Variants in HDAC9 observed in about 807,000 individuals in gnomAD.
The protein encoded by HDAC9 is histone deacetylase 9, also known as MEF-2 interacting transcription repressor (MITR) protein.
HDAC9 carries 41 observed loss-of-function variants against 139.4 expected under a neutral mutation model. That is an observed-to-expected ratio of 0.29 (90% CI 0.23 to 0.38). HDAC9 has a LOEUF of 0.38. Among genes scored for constraint, HDAC9 ranks in the 10% least tolerant of loss-of-function variants. HDAC9 has a pLI of 1.00. For missense variants in HDAC9, 1,147 were observed against 1,297.0 expected (o/e 0.88, Z 1.78); for synonymous variants, 517 against 476.2 (o/e 1.09, Z -1.12).
chr7:18,809,306 G>A (rs1484355096), intron 17 of HDAC9, among the ~76,000 whole-genome samples: 3 of 151,930 alleles, frequency 2.0e-5, no homozygotes, highest in Admixed American at 2.0e-4. Flanking sequence ...TACACAAAAA[G>A]CACAGGCAAC....
At chr7:18,951,185 T>A (rs1400036268) in intron 23 of HDAC9, among the ~76,000 whole-genome samples, 1 of 152,026 alleles carries the variant, frequency 6.6e-6, no homozygotes, top group Non-Finnish European at 1.5e-5. Context: ...AAATTACTTA[T>A]AAGATGATAA....
intron 2 of HDAC9, among the ~76,000 whole-genome samples, chr7:18,554,660 A>G (rs1044609132): frequency 6.6e-6 from 1 of 152,102 alleles, no homozygotes. Flanking sequence ...GATCATGCTG[A>G]TTCTTCTGCT....
chr7:18,804,270 G>T (rs1054583445), intron 17 of HDAC9, among the ~76,000 whole-genome samples: 1 of 152,166 alleles, frequency 6.6e-6, no homozygotes, highest in African/African-American at 2.4e-5. Flanking sequence ...AAATAAGCAG[G>T]TCTTGACATG....
chr7:18,568,020 G>GTGTGTA (rs1402833122), intron 2 of HDAC9, among the ~76,000 whole-genome samples: 6 of 48,846 alleles, frequency 1.2e-4, no homozygotes, highest in African/African-American at 6.1e-4. Flanking sequence ...CAGGATATAT[G>GTGTGTA]TATATGTATA....
chr7:18,150,251 G>A (rs1786673869), intron 1 of HDAC9, among the ~76,000 whole-genome samples: 1 of 151,420 alleles, frequency 6.6e-6, no homozygotes. Flanking sequence ...TTGAGATGTA[G>A]CAACAAAACA....
At chr7:18,181,672 G>A (rs144747670) in intron 2 of HDAC9, among the ~76,000 whole-genome samples, 2 of 152,088 alleles carry the variant, frequency 1.3e-5, no homozygotes, top group Admixed American at 6.5e-5. Flanking sequence ...CTGCACATCA[G>A]CATCAATAGC....
chr7:18,764,957 C>G (rs1055707945), intron 15 of HDAC9, among the ~76,000 whole-genome samples: 2 of 152,058 alleles, frequency 1.3e-5, no homozygotes, highest in Admixed American at 1.3e-4. Flanking sequence ...CATCATTTAT[C>G]TCTTTAAATA....
At chr7:18,595,401 A>G (rs73313299) in intron 6 of HDAC9, among the ~76,000 whole-genome samples, 3,523 of 152,138 alleles carry the variant, frequency 0.023, 140 homozygotes, top group African/African-American at 0.08. Context: ...GTGAGCCTCT[A>G]TGTTATTTCT....
Position 18,691,827 on chromosome 7 carries a change from A to C in HDAC9, c.1731+25351A>C, listed in dbSNP as rs138542600. Among the ~76,000 whole-genome samples, 762 of 152,184 alleles carry C rather than the reference A, an allele frequency of 5.0e-3. 2 individuals carry two copies. Among genetic ancestry groups the C allele is most frequent in the Non-Finnish European group, 7.9e-3 (536 of 67,974 alleles). On this transcript the variant is annotated intron_variant, in intron 12 of 25. Transcript: ENST00000686413. Reference sequence around the variant, plus strand: ...AAAGAGGAAACCATCAAGATTGCCAATGTGGGGTAGCCCATATTGATCCCA... The same window carrying C: ...AAAGAGGAAACCATCAAGATTGCCACTGTGGGGTAGCCCATATTGATCCCA...
intron 1 of HDAC9, among the ~76,000 whole-genome samples, chr7:18,132,947 A>G (rs1785119202): frequency 1.3e-5 from 2 of 152,226 alleles, no homozygotes; most frequent in South Asian, 2.1e-4. Flanking sequence ...CAGTCTTTCA[A>G]AATAACTCTC....
chr7:18,339,059 A>G lies in HDAC9; in HGVS notation c.-42+48544A>G, dbSNP rs1329760851. ...ATGTATAGGCATAAAGTTGTTGGTAATATTCTCTTATTATGCTTTGAGTAT... is the reference window on the plus strand; with the variant it reads ...ATGTATAGGCATAAAGTTGTTGGTAGTATTCTCTTATTATGCTTTGAGTAT... On this transcript the variant is annotated intron_variant, in intron 1 of 3. Transcript: ENST00000413509. Among the ~76,000 whole-genome samples the G allele has an allele frequency of 3.3e-5, 5 of 151,624 alleles. No individual in the cohort carries two copies. The East Asian group carries it at 9.7e-4, about 29-fold the overall frequency.
At chr7:18,244,994 C>CCTCTATCTATCTATCTATCTGTCT (rs71553924) in intron 2 of HDAC9, among the ~76,000 whole-genome samples, 2 of 148,060 alleles carry the variant, frequency 1.4e-5, no homozygotes, top group East Asian at 4.0e-4. Context: ...ATCTAATCTG[C>CCTCTATCTATCTATCTATCTGTCT]ATCTATCTAT....
intron 17 of HDAC9, among the ~76,000 whole-genome samples, chr7:18,795,667 C>G (rs1792736371): frequency 6.6e-6 from 1 of 152,062 alleles, no homozygotes; most frequent in Admixed American, 6.6e-5. Flanking sequence ...AGACTGAAGC[C>G]CTGGGTTGCT....
chr7:18,986,445 C>G (rs1228149667), intron 25 of HDAC9, among the ~76,000 whole-genome samples: 2 of 94,320 alleles, frequency 2.1e-5, no homozygotes, highest in South Asian at 8.7e-4. Flanking sequence ...TGTTTTGGTA[C>G]CAGTACCATG....
At chr7:18,574,332 C>T (rs1354888623) in intron 2 of HDAC9, among the ~76,000 whole-genome samples, 1 of 152,212 alleles carries the variant, frequency 6.6e-6, no homozygotes, top group African/African-American at 2.4e-5. Flanking sequence ...TAGCTTCTAT[C>T]GGCAAGCAGG....
chr7:18,861,863 C>G (rs915283048), intron 21 of HDAC9, among the ~76,000 whole-genome samples: 6 of 152,156 alleles, frequency 3.9e-5, no homozygotes, highest in Non-Finnish European at 8.8e-5. Flanking sequence ...TGTACACACA[C>G]ACGCATATTC....
intron 1 of HDAC9, among the ~76,000 whole-genome samples, chr7:18,138,411 G>A (rs1444506550): frequency 6.6e-6 from 1 of 151,988 alleles, no homozygotes; most frequent in Non-Finnish European, 1.5e-5. Context: ...GTGTAAGAAG[G>A]GTTTAGAACT....
chr7:18,161,441 T>C (rs1292302366), intron 1 of HDAC9, among the ~76,000 whole-genome samples: 1 of 152,158 alleles, frequency 6.6e-6, no homozygotes, highest in Admixed American at 6.6e-5. Flanking sequence ...ATAGTGCAAT[T>C]GGGATATACT....
chr7:18,665,615 T>C (rs1389045942), intron 11 of HDAC9, among the ~76,000 whole-genome samples: 2 of 152,170 alleles, frequency 1.3e-5, no homozygotes, highest in African/African-American at 4.8e-5. Flanking sequence ...ATTGTTAATT[T>C]TTTTTAAATC....
Sources: gnomAD v4.1 joint callset for allele counts (sites outside exome capture counted in the v4.1 genomes callset) on GRCh38, gnomAD v4.1.1 for gene constraint, MANE v1.5 for transcripts, NCBI Gene and HGNC (gene_info 2026-07-23, HGNC 2026-07-21) for gene names.